Variants in GLS observed in about 807,000 individuals in gnomAD.
GLS encodes the protein glutaminase, also known as glutaminase kidney isoform, mitochondrial.
Under a neutral mutation model 86.7 loss-of-function variants are expected in GLS, and 36 were observed. The ratio of observed to expected loss-of-function variants is 0.42; its 90% CI spans 0.32 to 0.55. The LOEUF is 0.55. Ranked by LOEUF, GLS falls within the 20% of genes least tolerant of loss-of-function variation. The pLI is 0.17. For synonymous variants in GLS, 317 were observed against 305.9 expected, an observed-to-expected ratio of 1.04 and a Z score of -0.38; for missense variants, 528 against 833.4, an observed-to-expected ratio of 0.63 and a Z score of 4.51.
intron 7 of GLS, among the ~76,000 whole-genome samples, chr2:190,912,087 A>G (rs1251318111): frequency 6.6e-6 from 1 of 152,140 alleles, no homozygotes. Context: ...GTCATGAGTC[A>G]TAAACTATAC....
intron 14 of GLS, chr2:190,933,414 T>C: frequency 1.8e-5 from 15 of 850,074 alleles, no homozygotes; most frequent in Non-Finnish European, 2.1e-5. Context: ...CCATTTTTGG[T>C]GATAGATTGG....
At position 190,902,028 on chromosome 2, in the gene GLS, T is replaced by C; in HGVS notation, c.815+2T>C. ...TGTTTGTACAGTAGATGGACAGAGG[T>C]AAGTTTATTTCAAATTCATGAAAAC... On this transcript the variant is annotated splice_donor_variant, in intron 5 of 17. Transcript: ENST00000320717. LOFTEE classifies it high-confidence loss of function. 1 of 1,584,922 alleles carries C rather than the reference T, an allele frequency of 6.3e-7. No individual in the cohort carries two copies. Among genetic ancestry groups the C allele is most frequent in the Non-Finnish European group, 8.7e-7 (1 of 1,153,576 alleles).
chr2:190,925,529 T>A (rs1305296278), intron 11 of GLS, among the ~76,000 whole-genome samples: 1 of 152,200 alleles, frequency 6.6e-6, no homozygotes, highest in African/African-American at 2.4e-5. Flanking sequence ...TCTTACAGAT[T>A]TAACACAGTT....
intron 14 of GLS, among the ~76,000 whole-genome samples, chr2:190,952,277 T>G (rs1486631461): frequency 2.0e-5 from 3 of 152,170 alleles, no homozygotes; most frequent in South Asian, 2.1e-4. Context: ...AGTGGAAAGT[T>G]TTTTGAAGTG....
intron 5 of GLS, among the ~76,000 whole-genome samples, chr2:190,903,309 T>C (rs1046908622): frequency 2.2e-4 from 33 of 152,236 alleles, no homozygotes; most frequent in African/African-American, 8.0e-4. Context: ...ATAGTTGACA[T>C]GATATTGGCA....
At chr2:190,891,868 T>C (rs1688573932) in intron 1 of GLS, among the ~76,000 whole-genome samples, 1 of 152,186 alleles carries the variant, frequency 6.6e-6, no homozygotes, top group African/African-American at 2.4e-5. Flanking sequence ...TTTTGTTCTT[T>C]ATAAACACTA....
At chr2:190,922,059 C>T (rs1353552128) in intron 9 of GLS, among the ~76,000 whole-genome samples, 1 of 151,990 alleles carries the variant, frequency 6.6e-6, no homozygotes, top group Non-Finnish European at 1.5e-5. Context: ...CCAGGGGTTG[C>T]TGACTTTTTC....
At chr2:190,889,544 T>G (rs759352604) in intron 1 of GLS, among the ~76,000 whole-genome samples, 8 of 152,238 alleles carry the variant, frequency 5.3e-5, no homozygotes, top group Non-Finnish European at 1.2e-4. Flanking sequence ...TCAGAGTGAT[T>G]GCAGTGACAG....
Position 190,924,826 on chromosome 2 carries a change from A to ATTTTCT in GLS, c.1248+233_1248+234insTTTTCT. 1 of 390,764 alleles carries ATTTTCT rather than the reference A, an allele frequency of 2.6e-6. No homozygotes were observed. The highest frequency in any genetic ancestry group is 4.7e-6 in the Non-Finnish European group (1 of 212,576). The allele number at this position is 390,764 out of a possible 1,614,324, so 24.2% of individuals were successfully genotyped here. On this transcript the variant is annotated intron_variant, in intron 11 of 17. Transcript: ENST00000320717. The surrounding 1 kb of genome is among the most constrained non-coding windows in gnomAD (Gnocchi z 5.2). The stretch of plus-strand genomic sequence containing the variant: ...GTTACTTGTGAGGCTGAGGCAGGAG[A>ATTTTCT]ATCCCTTGAACCTGGAAGGCCGAGG...
chr2:190,960,587 G>A (rs1690977928), intron 17 of GLS, among the ~76,000 whole-genome samples: 1 of 151,406 alleles, frequency 6.6e-6, no homozygotes, highest in Admixed American at 6.6e-5. Context: ...TGTTGCCCAA[G>A]CTGGTCTCCA....
chr2:190,916,891 A>G (rs977476294), intron 7 of GLS, among the ~76,000 whole-genome samples: 6 of 152,200 alleles, frequency 3.9e-5, no homozygotes, highest in African/African-American at 1.4e-4. Flanking sequence ...AATATTTTAT[A>G]GGTAAGAAAT....
intron 1 of GLS, among the ~76,000 whole-genome samples, chr2:190,882,553 T>C (rs2125969860): frequency 6.6e-6 from 1 of 152,346 alleles, no homozygotes; most frequent in East Asian, 1.9e-4. Flanking sequence ...TTTCCAGCTC[T>C]AGAGTTCCTT....
intron 14 of GLS, among the ~76,000 whole-genome samples, chr2:190,939,030 T>C (rs1690351705): frequency 6.6e-6 from 1 of 151,708 alleles, no homozygotes; most frequent in Non-Finnish European, 1.5e-5. Flanking sequence ...CGATTTTAAA[T>C]AAATAGAAGA....
At chr2:190,960,729 G>A (rs1213039921) in intron 17 of GLS, among the ~76,000 whole-genome samples, 1 of 152,046 alleles carries the variant, frequency 6.6e-6, no homozygotes, top group African/African-American at 2.4e-5. Context: ...CTGTTAGCTT[G>A]CAAGAAATGC....
chr2:190,950,616 A>C (rs1181498131), intron 14 of GLS, among the ~76,000 whole-genome samples: 2 of 152,024 alleles, frequency 1.3e-5, no homozygotes, highest in Admixed American at 6.6e-5. Flanking sequence ...CTGGGTAAAG[A>C]AGCTCCCTTC....
rs1004375853 is a variant in GLS, at chr2:190,934,725, G to T, written c.1650+3088G>T. Reference sequence around the variant, plus strand: ...ATAGCTGTATAGATTTCAAAATTAGGTTGTTAATTTGTGTCACTTACTATT... The same window carrying T: ...ATAGCTGTATAGATTTCAAAATTAGTTTGTTAATTTGTGTCACTTACTATT... On this transcript the variant is annotated intron_variant, in intron 14 of 17. Transcript: ENST00000320717. 3 of 974,054 alleles carry T rather than the reference G, an allele frequency of 3.1e-6. No individual in the cohort carries two copies. In the Admixed American group the frequency reaches 1.9e-4, roughly 60 times the overall value. The allele number at this position is 974,054 out of a possible 1,614,324, so 60.3% of individuals were successfully genotyped here.
chr2:190,933,854 GAA>G, intron 14 of GLS: 1 of 822,050 alleles, frequency 1.2e-6, no homozygotes, highest in Non-Finnish European at 1.5e-6. Flanking sequence ...GAGTACTTGA[GAA>G]ATGAATTTAG....
rs1385243989 is a variant in GLS, at chr2:190,924,467, A to G, written c.1198-76A>G. On this transcript the variant is annotated intron_variant, in intron 10 of 17. Coordinates refer to ENST00000320717, the MANE Select transcript of GLS (RefSeq NM_014905.5). The surrounding 1 kb of genome is among the most constrained non-coding windows in gnomAD (Gnocchi z 5.2). ...AAAATGAAACACTTGTGTACATTTGAAATTTTTCATATATTTCTCTACTTA... is the reference window on the plus strand; with the variant it reads ...AAAATGAAACACTTGTGTACATTTGGAATTTTTCATATATTTCTCTACTTA... 1.3e-6 allele frequency: 1 copy of G among 783,830 alleles called. No homozygotes were observed. The highest frequency in any genetic ancestry group is 1.7e-5 in the African/African-American group (1 of 58,752). The allele number at this position is 783,830 out of a possible 1,614,324, so 48.6% of individuals were successfully genotyped here.
chr2:190,940,712 T>C (rs1013947629), intron 14 of GLS, among the ~76,000 whole-genome samples: 2 of 151,980 alleles, frequency 1.3e-5, no homozygotes, highest in Admixed American at 1.3e-4. Flanking sequence ...TTCAATATTT[T>C]CAATCCCTGT....
Sources: gnomAD v4.1 joint callset for allele counts (sites outside exome capture counted in the v4.1 genomes callset) on GRCh38, gnomAD v4.1.1 for gene constraint, Gnocchi (gnomAD v3.1) non-coding constraint, MANE v1.5 for transcripts, NCBI Gene and HGNC (gene_info 2026-07-23, HGNC 2026-07-21) for gene names.